Variants in VSTM5 observed in about 807,000 individuals in gnomAD.
VSTM5 encodes V-set and transmembrane domain containing 5.
Under a neutral mutation model 20.3 loss-of-function variants are expected in VSTM5, and 21 were observed. The ratio of observed to expected loss-of-function variants is 1.03; its 90% CI spans 0.73 to 1.49. The LOEUF is 1.49. Among genes scored for constraint, VSTM5 ranks in the 40% most tolerant of loss-of-function variants. The pLI is 0.00. For missense variants in VSTM5, 219 were observed against 250.0 expected (o/e 0.88, Z 0.84); for synonymous variants, 100 against 102.5 (o/e 0.98, Z 0.14).
At chr11:93,825,729 GT>G (rs954154470) in intron 1 of VSTM5, among the ~76,000 whole-genome samples, 25 of 146,752 alleles carry the variant, frequency 1.7e-4, no homozygotes, top group East Asian at 9.9e-4. Context: ...AATGGGACAG[GT>G]TTTTTTTTTC....
chr11:93,844,514 G>A (rs1410525473), intron 1 of VSTM5, among the ~76,000 whole-genome samples: 2 of 152,110 alleles, frequency 1.3e-5, no homozygotes, highest in Non-Finnish European at 2.9e-5. Context: ...ACCTTCCCAA[G>A]CTCCATTCCC....
In VSTM5 at chr11:93,820,903, G is replaced by C; in HGVS notation, c.419-20C>G. Reference sequence around the variant, plus strand: ...GGATCTCTATGGAGTGAGGGTGAGGGGAGGGGGAAGACAACATTTCTTTTA... The same window carrying C: ...GGATCTCTATGGAGTGAGGGTGAGGCGAGGGGGAAGACAACATTTCTTTTA... On this transcript the variant is annotated intron_variant, in intron 2 of 3. Transcript: ENST00000409977. 4.5e-6 allele frequency: 7 copies of C among 1,550,934 alleles called. No homozygotes were observed. Among genetic ancestry groups the C allele is most frequent in the Non-Finnish European group, 6.1e-6 (7 of 1,146,940 alleles).
At chr11:93,830,120 G>C (rs1944269734) in intron 1 of VSTM5, among the ~76,000 whole-genome samples, 1 of 152,182 alleles carries the variant, frequency 6.6e-6, no homozygotes, top group Admixed American at 6.5e-5. Context: ...GGTGGCCATG[G>C]GATAAGGAAG....
At position 93,820,736 on chromosome 11, in the gene VSTM5, GGGT is replaced by G. The variant is rs1416015278; in HGVS notation, c.559+4_559+6del. ...CTCATGGATTATCACAAGGCCCAGG[GGGT>G]TACCTTTGAGTTTGTGTCTTCTCTT... On this transcript the variant is annotated splice_donor_5th_base_variant and intron_variant, in intron 3 of 3. Coordinates refer to ENST00000409977, the MANE Select transcript of VSTM5 (RefSeq NM_001144871.2). 4 of 1,551,704 alleles carry G rather than the reference GGGT, an allele frequency of 2.6e-6. No individual in the cohort carries two copies. In the Admixed American group the frequency reaches 7.8e-5, roughly 30 times the overall value.
At chr11:93,850,341 C>T (rs1369747920) in intron 1 of VSTM5, 71 bp downstream of exon 1, 1 of 1,388,618 alleles carries the variant, frequency 7.2e-7, no homozygotes, top group Middle Eastern at 1.9e-4. Flanking sequence ...GCTGCTAGAC[C>T]CCGGGGCCCC....
At chr11:93,842,653 C>T (rs896117994) in intron 1 of VSTM5, among the ~76,000 whole-genome samples, 1 of 152,208 alleles carries the variant, frequency 6.6e-6, no homozygotes, top group East Asian at 1.9e-4. Flanking sequence ...CCTGGGCCAG[C>T]GGCCAGCCTG....
intron 1 of VSTM5, among the ~76,000 whole-genome samples, chr11:93,838,695 G>A (rs572233492): frequency 5.3e-5 from 8 of 151,690 alleles, no homozygotes; most frequent in Non-Finnish European, 1.0e-4. Context: ...TACTGGGGAG[G>A]CTTAGATGGG....
intron 1 of VSTM5, among the ~76,000 whole-genome samples, chr11:93,828,794 G>C (rs1178347378): frequency 6.6e-6 from 1 of 152,150 alleles, no homozygotes; most frequent in East Asian, 1.9e-4. Flanking sequence ...CTAGCATATA[G>C]GTCTCAGAGC....
intron 1 of VSTM5, among the ~76,000 whole-genome samples, chr11:93,830,325 T>G (rs139950682): frequency 6.6e-6 from 1 of 152,324 alleles, no homozygotes; most frequent in African/African-American, 2.4e-5. Context: ...TGGGAGAACC[T>G]AAGGCTGGAG....
chr11:93,846,691 T>TA (rs200966738), intron 1 of VSTM5, among the ~76,000 whole-genome samples: 266 of 151,622 alleles, frequency 1.8e-3, no homozygotes, highest in East Asian at 5.6e-3. Flanking sequence ...TGGATAGAGC[T>TA]AAAAAAAATT....
At chr11:93,849,988 G>T (rs1055979973) in intron 1 of VSTM5, among the ~76,000 whole-genome samples, 1 of 152,244 alleles carries the variant, frequency 6.6e-6, no homozygotes, top group Non-Finnish European at 1.5e-5. Context: ...GCCATGGAGG[G>T]GTCCCCACAG....
In VSTM5 at chr11:93,819,229, G is replaced by A. The variant is rs918885558; in HGVS notation, c.*1340C>T. 20 of 152,218 alleles carry A rather than the reference G, an allele frequency of 1.3e-4. No homozygotes were observed. Among genetic ancestry groups the A allele is most frequent in the African/African-American group, 4.8e-4 (20 of 41,446 alleles). The allele number at this position is 152,218 out of a possible 1,614,324, so 9.4% of individuals were successfully genotyped here. A position where few individuals can be genotyped will look rare whatever the true frequency, so the allele number is the denominator to read the frequency against. ...TGGGTGAATTTGCAACTGAGGACTA[G>A]GAACACATCATCATCGGATGGTACC... On this transcript the variant is annotated 3_prime_UTR_variant, in exon 4 of 4. Transcript: ENST00000409977.
chr11:93,824,136 G>A (rs985205285), intron 1 of VSTM5, among the ~76,000 whole-genome samples: 54 of 152,194 alleles, frequency 3.5e-4, no homozygotes, highest in Admixed American at 2.3e-3. Flanking sequence ...TCGAACTCCC[G>A]ACATCAGGTG....
chr11:93,829,087 C>T (rs945545874), intron 1 of VSTM5, among the ~76,000 whole-genome samples: 6 of 152,320 alleles, frequency 3.9e-5, no homozygotes, highest in African/African-American at 1.2e-4. Context: ...CATCCAGGAG[C>T]CGCAGCCCCC....
chr11:93,837,788 A>C (rs541588458), intron 1 of VSTM5, among the ~76,000 whole-genome samples: 1 of 152,206 alleles, frequency 6.6e-6, no homozygotes, highest in Non-Finnish European at 1.5e-5. Flanking sequence ...GAATCTTAGG[A>C]CTAATCAGAA....
At chr11:93,830,467 T>C (rs1944273038) in intron 1 of VSTM5, among the ~76,000 whole-genome samples, 1 of 152,324 alleles carries the variant, frequency 6.6e-6, no homozygotes, top group African/African-American at 2.4e-5. Context: ...TCGTTCGTTA[T>C]AGAGAGAATT....
At chr11:93,827,741 A>G (rs1359932499) in intron 1 of VSTM5, 1 of 152,156 alleles carries the variant, frequency 6.6e-6, no homozygotes, top group Non-Finnish European at 1.5e-5. Context: ...TTAAAAAAAA[A>G]AAAAAAGGAC....
At chr11:93,827,805 T>TG (rs1240948391) in intron 1 of VSTM5, 1 of 151,594 alleles carries the variant, frequency 6.6e-6, no homozygotes, top group African/African-American at 2.4e-5. Flanking sequence ...AAGACGTCTG[T>TG]GATGTTACTA....
In VSTM5 at chr11:93,820,857, CAA is replaced by C. The variant is rs1301740701; in HGVS notation, c.443_444del (p.Phe148CysfsTer23). 1.3e-6 allele frequency: 2 copies of C among 1,550,642 alleles called. No individual in the cohort carries two copies. On this transcript the variant is annotated frameshift_variant, in exon 3 of 4. Transcript: ENST00000409977. LOFTEE classifies it high-confidence loss of function. ...VSEILYEDLH[F>X]VAVILAFLAA... ...GCGAGAAAAGCAAGGATGACAGCGA[CAA>C]AGTGCAGGTCTTCATAGAGGATCTC...
Sources: allele counts gnomAD v4.1 joint callset (sites outside exome capture counted in the v4.1 genomes callset), GRCh38; gene constraint gnomAD v4.1.1; transcripts MANE v1.5; gene names NCBI Gene and HGNC (gene_info 2026-07-23, HGNC 2026-07-21).